HAUS7: variants seen among roughly 807,000 people sequenced by gnomAD.
HAUS7 encodes the protein HAUS augmin-like complex subunit 7.
Under a neutral mutation model 28.4 loss-of-function variants are expected in HAUS7, and 3 were observed. That is an observed-to-expected ratio of 0.11 (90% confidence interval 0.05 to 0.27). HAUS7 has a LOEUF of 0.27. HAUS7 is among the 10% of genes least tolerant of loss of function. The pLI is 1.00. For missense variants in HAUS7, 284 were observed against 297.3 expected, an observed-to-expected ratio of 0.96 and a Z score of 0.33; for synonymous variants, 165 against 132.1, an observed-to-expected ratio of 1.25 and a Z score of -1.71.
chrX:153,493,914 C>T (rs1055883287), intron 1 of HAUS7, among the ~76,000 whole-genome samples: 3 of 112,586 alleles, frequency 2.7e-5, no homozygotes, highest in Non-Finnish European at 5.6e-5. Context: ...CCCTCTCTCC[C>T]TCTCTGCCCC....
chrX:153,453,769 A>G (rs1262343125), intron 9 of HAUS7, among the ~76,000 whole-genome samples: 1 of 109,750 alleles, frequency 9.1e-6, no homozygotes, highest in African/African-American at 3.3e-5. Context: ...GCAAAAATCA[A>G]CTCTGAGAAG....
chrX:153,486,875 G>T (rs1442406559), intron 1 of HAUS7: 1 of 910,293 alleles, frequency 1.1e-6, no homozygotes, highest in Admixed American at 3.1e-5. Context: ...GCAGGCTGAG[G>T]TGTGCTTGGC....
chrX:153,462,559 C>T, intron 4 of HAUS7, 51 bp downstream of exon 4: 1 of 981,684 alleles, frequency 1.0e-6, no homozygotes, highest in African/African-American at 1.9e-5. Flanking sequence ...GTTCCCTGCC[C>T]AGGGCAGAAA....
At position 153,454,512 on chromosome X, in the gene HAUS7, GGGAGGGA is replaced by G; in HGVS notation, c.931-11_931-5del. The stretch of plus-strand genomic sequence containing the variant: ...CTGCCATGACCACTTGCAGCAGCTG[GGGAGGGA>G]GGGAGGGAGGGAGGGAGGGAGGGAG... On this transcript the variant is annotated splice_region_variant and splice_polypyrimidine_tract_variant and intron_variant, in intron 8 of 9. Transcript: ENST00000370211. 4.4e-6 allele frequency: 1 copy of G among 228,413 alleles called. No homozygotes were observed. 18.8% of individuals were successfully genotyped at this position (228,413 alleles called of 1,213,427 possible). A position where few individuals can be genotyped will look rare whatever the true frequency, so the allele number is the denominator to read the frequency against.
intron 9 of HAUS7, among the ~76,000 whole-genome samples, chrX:153,453,565 CAA>C (rs372612898): frequency 1.0e-5 from 1 of 95,724 alleles, no homozygotes; most frequent in Non-Finnish European, 2.1e-5. Context: ...GCAGGGATAG[CAA>C]AAAAAAAAAG....
chrX:153,481,154 C>A, intron 1 of HAUS7: 1 of 487,464 alleles, frequency 2.1e-6, no homozygotes, highest in Non-Finnish European at 2.5e-6. Flanking sequence ...GGGAGGGAAG[C>A]CCTCCAAAGT....
rs782807039 is a variant in HAUS7 at position 153,462,651 on chromosome X, C to T, written c.313G>A (p.Glu105Lys). ...KIQEMTKLGHELMLCAPDDQE... is the reference protein window; with the variant it reads ...KIQEMTKLGHKLMLCAPDDQE... ...TCATCTGGCGCACACAGCATCAGCT[C>T]GTGGCCCAGCTTCGTCATTTCTGTT... Residue 105 changes from glutamate (E) to lysine (K), a missense_variant, in exon 4 of 10, where the codon GAG becomes AAG. Transcript: ENST00000370211. 4.1e-6 allele frequency: 5 copies of T among 1,207,097 alleles called. No individual in the cohort carries two copies. The highest frequency in any genetic ancestry group is 3.5e-5 in the South Asian group (2 of 56,833).
intron 8 of HAUS7, 36 bp downstream of exon 8, chrX:153,455,506 G>C: frequency 1.1e-6 from 1 of 902,556 alleles, no homozygotes; most frequent in Non-Finnish European, 1.6e-6. Context: ...GAACAGGGGA[G>C]GGGGCGGTTA....
At chrX:153,473,550 A>G (rs1054959607), upstream of HAUS7, among the ~76,000 whole-genome samples, 2 of 113,038 alleles carry the variant, frequency 1.8e-5, no homozygotes, top group Non-Finnish European at 3.8e-5. Flanking sequence ...TACCAAATGC[A>G]AGCTGTTGAA....
intron 4 of HAUS7, among the ~76,000 whole-genome samples, chrX:153,459,803 C>G (rs2089364878): frequency 8.9e-6 from 1 of 112,401 alleles, no homozygotes; most frequent in Non-Finnish European, 1.9e-5. Context: ...ATTGCCTGAG[C>G]CCAGGAGTTC....
rs2089282165 is a variant in HAUS7, at chrX:153,454,684, CCAAT to C, written c.931-180_931-177del. On this transcript the variant is annotated intron_variant, in intron 8 of 9. Transcript: ENST00000370211. ...GACAGAACTCCCAGCGGGGAAGTCA[CCAAT>C]CAGAGTTCTCGGACCTAAGTCCCCT... is the stretch of plus-strand genomic sequence containing the variant. The C allele has an allele frequency of 1.3e-5, 6 of 474,965 alleles. No homozygotes were observed. In the South Asian group the frequency reaches 1.9e-4, roughly 15 times the overall value. 39.1% of individuals were successfully genotyped at this position (474,965 alleles called of 1,213,427 possible).
In HAUS7 at chrX:153,454,425, G is replaced by A. The variant is rs1311969584; in HGVS notation, c.1014C>T (p.Cys338=). The A allele has an allele frequency of 9.3e-6, 11 of 1,188,230 alleles. No homozygotes were observed. Among genetic ancestry groups the A allele is most frequent in the Non-Finnish European group, 1.1e-5 (10 of 880,696 alleles). Residue 338 remains cysteine, a synonymous_variant, in exon 9 of 10, where the codon TGC becomes TGT. Transcript: ENST00000370211. The part of the protein sequence containing the change: ...TVKKQQGEQI[C]WGGSSSVMSL... ...TCATGACGGAGCTGCTGCCACCCCA[G>A]CAGATCTGCTCGCCTTGCTGCTTCT...
At chrX:153,478,881 C>T (rs2089579905) in intron 1 of HAUS7, among the ~76,000 whole-genome samples, 2 of 112,688 alleles carry the variant, frequency 1.8e-5, no homozygotes, top group African/African-American at 6.4e-5. Context: ...GTGGCCGACC[C>T]GCTCTGTGGT....
intron 1 of HAUS7, chrX:153,486,102 G>GC (rs1270230790): frequency 1.1e-6 from 1 of 937,963 alleles, no homozygotes. Context: ...ATCAGGTAGG[G>GC]CCCCCCTCCT....
At chrX:153,452,291 A>G (rs1435996973) in intron 9 of HAUS7, among the ~76,000 whole-genome samples, 1 of 112,411 alleles carries the variant, frequency 8.9e-6, no homozygotes. Flanking sequence ...ATGGCATGGA[A>G]GGACACTAGA....
At chrX:153,480,954 G>A (rs2089595888) in intron 1 of HAUS7, 1 of 754,333 alleles carries the variant, frequency 1.3e-6, no homozygotes, top group African/African-American at 2.3e-5. Context: ...CCAGAGGACA[G>A]GAGGCCGGGA....
At chrX:153,473,152 GA>G (rs1482238696), upstream of HAUS7, among the ~76,000 whole-genome samples, 5 of 112,290 alleles carry the variant, frequency 4.5e-5, no homozygotes, top group African/African-American at 1.6e-4. Context: ...GGAGGGTATT[GA>G]AAAAGTCCTC....
At chrX:153,493,392 G>A (rs1231809134) in intron 1 of HAUS7, among the ~76,000 whole-genome samples, 2 of 112,207 alleles carry the variant, frequency 1.8e-5, no homozygotes, top group Admixed American at 9.4e-5. Flanking sequence ...ATTTCTCCAC[G>A]AATGAGTTGG....
chrX:153,479,489 G>C, intron 1 of HAUS7: 1 of 530,308 alleles, frequency 1.9e-6, no homozygotes, highest in South Asian at 9.7e-5. Flanking sequence ...GGCCCTGAGA[G>C]AGCCCTCCCT....
Sources: allele counts gnomAD v4.1 joint callset (sites outside exome capture counted in the v4.1 genomes callset), GRCh38; gene constraint gnomAD v4.1.1; transcripts MANE v1.5; gene names NCBI Gene and HGNC (gene_info 2026-07-23, HGNC 2026-07-21).